Variants in NEDD4L observed in about 807,000 individuals in gnomAD.
The protein encoded by NEDD4L is E3 ubiquitin-protein ligase NEDD4-like.
A neutral mutation model predicts 148.9 loss-of-function variants in NEDD4L; 54 were observed. The ratio of observed to expected loss-of-function variants is 0.36; its 90% CI spans 0.29 to 0.45. NEDD4L has a LOEUF of 0.45. Among genes scored for constraint, NEDD4L ranks in the 20% least tolerant of loss-of-function variants. The probability of loss-of-function intolerance (pLI) is 1.00; values close to 1 mark genes in which losing one functional copy is unlikely to be tolerated. For missense variants in NEDD4L, 856 were observed against 1,233.8 expected (o/e 0.69, Z 4.59); for synonymous variants, 433 against 440.7 (o/e 0.98, Z 0.22).
chr18:58,156,581 G>T (rs1227883274), intron 1 of NEDD4L, among the ~76,000 whole-genome samples: 1 of 152,014 alleles, frequency 6.6e-6, no homozygotes, highest in Non-Finnish European at 1.5e-5. Flanking sequence ...GGGCTATCTG[G>T]TTCATTATCC....
At chr18:58,128,310 G>A (rs748280102) in intron 1 of NEDD4L, among the ~76,000 whole-genome samples, 3 of 152,144 alleles carry the variant, frequency 2.0e-5, no homozygotes, top group African/African-American at 7.2e-5. Context: ...GCCTCCCAGC[G>A]TGCTCATTTA....
chr18:58,198,147 A>G (rs1249080920), intron 2 of NEDD4L, among the ~76,000 whole-genome samples: 1 of 152,154 alleles, frequency 6.6e-6, no homozygotes, highest in Non-Finnish European at 1.5e-5. Flanking sequence ...GTATTTCTAC[A>G]TGTTTATGTC....
intron 1 of NEDD4L, among the ~76,000 whole-genome samples, chr18:58,129,566 G>C (rs573359828): frequency 4.6e-5 from 7 of 152,224 alleles, no homozygotes; most frequent in Non-Finnish European, 8.8e-5. Flanking sequence ...ACTCTTGCTG[G>C]TGGTGGGTGG....
At chr18:58,108,581 C>T (rs376098188) in intron 1 of NEDD4L, among the ~76,000 whole-genome samples, 5 of 152,092 alleles carry the variant, frequency 3.3e-5, no homozygotes, top group African/African-American at 1.2e-4. Context: ...CCACCACGCC[C>T]AGCTAATTTT....
rs1416976167 is a variant in NEDD4L at position 58,256,285 on chromosome 18, C to T, written c.297+4231C>T. 4 of 1,231,366 alleles carry T rather than the reference C, an allele frequency of 3.2e-6. No individual in the cohort carries two copies. Among genetic ancestry groups the T allele is most frequent in the Non-Finnish European group, 4.0e-6 (4 of 987,738 alleles). The allele number at this position is 1,231,366 out of a possible 1,614,324, so 76.3% of individuals were successfully genotyped here. A position where few individuals can be genotyped will look rare whatever the true frequency, so the allele number is the denominator to read the frequency against. On this transcript the variant is annotated intron_variant, in intron 5 of 30. Coordinates refer to ENST00000400345, the MANE Select transcript of NEDD4L (RefSeq NM_001144967.3). The surrounding 1 kb of genome is among the most constrained non-coding windows in gnomAD (Gnocchi z 5.2). Reference sequence around the variant, plus strand: ...TGCCCCTGGGCCCCGATGGCCAGGGCGGCCCGGCCGCGGCAGAGCCCAGGC... The same window carrying T: ...TGCCCCTGGGCCCCGATGGCCAGGGTGGCCCGGCCGCGGCAGAGCCCAGGC...
rs2048579090 is a variant in NEDD4L at position 58,383,270 on chromosome 18, A to G, written c.2377A>G (p.Asn793Asp). 6.5e-7 allele frequency: 1 copy of G among 1,541,846 alleles called. No homozygotes were observed. The highest frequency in any genetic ancestry group is 8.8e-7 in the Non-Finnish European group (1 of 1,136,992). Residue 793 changes from asparagine to aspartate, a missense_variant, in exon 25 of 31, where the codon AAT (asparagine) becomes GAT (aspartate). Physicochemically the swap from Asn to Asp is conservative, Grantham distance 23. This residue lies in a region of NEDD4L where 286 missense variants were observed against 531.8 expected (regional missense o/e 0.54). Transcript: ENST00000400345. ...GQTYQVDLKPNGSEIMVTNEN... is the reference protein window; with the variant it reads ...GQTYQVDLKPDGSEIMVTNEN... ...GACATATCAAGTGGATTTGAAGCCC[A>G]ATGGGTCAGAAATAATGGTCACAAA...
intron 1 of NEDD4L, among the ~76,000 whole-genome samples, chr18:58,073,487 G>A (rs542077946): frequency 2.0e-5 from 3 of 152,310 alleles, no homozygotes; most frequent in Non-Finnish European, 4.4e-5. Context: ...GTTAGGACAT[G>A]AATGGATAAA....
chr18:58,187,814 G>A (rs894086743), intron 2 of NEDD4L, among the ~76,000 whole-genome samples: 5 of 151,580 alleles, frequency 3.3e-5, no homozygotes, highest in East Asian at 1.9e-4. Flanking sequence ...CCTCACCACC[G>A]CCCCCCACCC....
chr18:58,157,123 AG>A (rs1568301024), intron 1 of NEDD4L, among the ~76,000 whole-genome samples: 1 of 151,192 alleles, frequency 6.6e-6, no homozygotes, highest in Non-Finnish European at 1.5e-5. Context: ...GGGAGGTCAA[AG>A]CTGCAGTGAG....
intron 30 of NEDD4L, among the ~76,000 whole-genome samples, chr18:58,391,888 C>T (rs1002717744): frequency 1.1e-4 from 17 of 152,192 alleles, no homozygotes; most frequent in African/African-American, 3.6e-4. Context: ...ATAATAAACA[C>T]GTTGGGTTTT....
intron 19 of NEDD4L, among the ~76,000 whole-genome samples, chr18:58,360,611 T>C (rs1489830412): frequency 6.6e-6 from 1 of 152,238 alleles, no homozygotes; most frequent in African/African-American, 2.4e-5. Flanking sequence ...CTGCTTATTA[T>C]TTTTAAGATA....
At chr18:58,374,527 G>T (rs529033034) in intron 24 of NEDD4L, among the ~76,000 whole-genome samples, 2 of 151,016 alleles carry the variant, frequency 1.3e-5, no homozygotes, top group South Asian at 4.2e-4. Flanking sequence ...ACAGACAGGC[G>T]GACACTGTTC....
chr18:58,067,443 A>G lies in NEDD4L; in HGVS notation c.48+22735A>G, dbSNP rs140990384. ...TTTTCGTTTAAGGGGTTATCAGGGA[A>G]TGAGCTAATTTGACATTTTCTGCTT... On this transcript the variant is annotated intron_variant, in intron 1 of 30. Coordinates refer to ENST00000400345, the MANE Select transcript of NEDD4L (RefSeq NM_001144967.3). Among the ~76,000 whole-genome samples the G allele has an allele frequency of 2.0e-3, 306 of 152,268 alleles. 2 individuals are homozygous for G. Among genetic ancestry groups the G allele is most frequent in the African/African-American group, 6.9e-3 (288 of 41,548 alleles).
chr18:58,236,383 A>G (rs921413992), intron 2 of NEDD4L, among the ~76,000 whole-genome samples: 2 of 152,026 alleles, frequency 1.3e-5, no homozygotes, highest in African/African-American at 2.4e-5. Flanking sequence ...AAAATTTATG[A>G]AGTACTGGTT....
intron 8 of NEDD4L, among the ~76,000 whole-genome samples, chr18:58,324,010 A>G (rs745650931): frequency 1.3e-5 from 2 of 152,184 alleles, no homozygotes; most frequent in Non-Finnish European, 2.9e-5. Context: ...GCTGTTGCAT[A>G]TATGTGATAT....
intron 12 of NEDD4L, 122 bp from the exon 13 acceptor site, chr18:58,335,356 G>A (rs1279290072): frequency 1.3e-6 from 1 of 754,196 alleles, no homozygotes; most frequent in Non-Finnish European, 2.3e-6. Flanking sequence ...GATAGGGTGG[G>A]TTTCAGGGAT....
At position 58,323,283 on chromosome 18, in the gene NEDD4L, A is replaced by C. The variant is rs1444773889; in HGVS notation, c.462A>C (p.Pro154=). The stretch of plus-strand genomic sequence containing the variant: ...TGCGATTGAAAATGGCCTATATGCC[A>C]AAAAATGGAGGTCAAGATGAAGAAA... ...GFLRLKMAYM[P]KNGGQDEENS... The change falls in exon 8 of 31, where the codon CCA becomes CCC. Residue 154 remains proline, a synonymous_variant. Transcript: ENST00000400345. The C allele has an allele frequency of 6.2e-7, 1 of 1,603,178 alleles. No individual in the cohort carries two copies. The highest frequency in any genetic ancestry group is 8.5e-7 in the Non-Finnish European group (1 of 1,174,060).
chr18:58,335,283 G>C (rs1249153756), intron 12 of NEDD4L, among the ~76,000 whole-genome samples, 195 bp from the exon 13 acceptor site: 2 of 152,158 alleles, frequency 1.3e-5, no homozygotes, highest in Non-Finnish European at 2.9e-5. Flanking sequence ...GAGCCACCTT[G>C]GGGGGCATAG....
chr18:58,212,071 T>C (rs533973103), intron 2 of NEDD4L, among the ~76,000 whole-genome samples: 3 of 152,344 alleles, frequency 2.0e-5, no homozygotes, highest in Non-Finnish European at 2.9e-5. Flanking sequence ...GGGAGAATGG[T>C]TAAGCAAAAT....
Sources: gnomAD v4.1 joint callset for allele counts (sites outside exome capture counted in the v4.1 genomes callset) on GRCh38, gnomAD v4.1.1 for gene constraint, gnomAD v4.1.1 regional missense constraint, Gnocchi (gnomAD v3.1) non-coding constraint, MANE v1.5 for transcripts, NCBI Gene and HGNC (gene_info 2026-07-23, HGNC 2026-07-21) for gene names.